CTIF: variants seen among roughly 807,000 people sequenced by gnomAD.
The protein encoded by CTIF is cap binding complex dependent translation initiation factor.
A neutral mutation model predicts 66.0 loss-of-function variants in CTIF; 21 were observed. That is an observed-to-expected ratio of 0.32 (90% CI 0.23 to 0.46). The LOEUF (loss-of-function observed/expected upper bound fraction) is 0.46. Among genes scored for constraint, CTIF ranks in the 20% least tolerant of loss-of-function variants. CTIF has a pLI of 1.00. For missense variants in CTIF, 739 were observed against 812.7 expected (o/e 0.91, Z 1.10); for synonymous variants, 345 against 326.4 (o/e 1.06, Z -0.62).
intron 3 of CTIF, 30 bp from the exon 4 acceptor site, chr18:48,663,722 T>C (rs1446028545): frequency 1.2e-6 from 2 of 1,603,720 alleles, no homozygotes; most frequent in Non-Finnish European, 1.7e-6. Context: ...GAGCAATTAA[T>C]GTCAGCCCTT....
intron 10 of CTIF, among the ~76,000 whole-genome samples, chr18:48,851,450 G>A (rs2069198525): frequency 6.6e-6 from 1 of 152,176 alleles, no homozygotes; most frequent in Non-Finnish European, 1.5e-5. Context: ...AGGCTTCCAC[G>A]CAGCCCTGTC....
At chr18:48,649,824 C>T (rs1300338919) in intron 3 of CTIF, among the ~76,000 whole-genome samples, 1 of 152,130 alleles carries the variant, frequency 6.6e-6, no homozygotes, top group Non-Finnish European at 1.5e-5. Context: ...CTAGTGATAC[C>T]CAGGCAAACA....
intron 1 of CTIF, among the ~76,000 whole-genome samples, chr18:48,577,455 G>A (rs139362300): frequency 9.7e-4 from 147 of 152,306 alleles, no homozygotes; most frequent in African/African-American, 3.2e-3. Context: ...TAGCCCCTGC[G>A]TGGCCCTCAT....
At chr18:48,838,415 C>G (rs1322138688) in intron 10 of CTIF, among the ~76,000 whole-genome samples, 1 of 152,042 alleles carries the variant, frequency 6.6e-6, no homozygotes, top group Non-Finnish European at 1.5e-5. Context: ...GCAGTGGCCG[C>G]CTGGAAGATG....
At chr18:48,578,906 A>G (rs900100988) in intron 1 of CTIF, among the ~76,000 whole-genome samples, 4 of 152,194 alleles carry the variant, frequency 2.6e-5, no homozygotes, top group African/African-American at 9.7e-5. Flanking sequence ...ATATCCAAGA[A>G]ATTGTTGGCT....
chr18:48,797,337 G>T (rs1476880046), intron 9 of CTIF, among the ~76,000 whole-genome samples: 1 of 152,096 alleles, frequency 6.6e-6, no homozygotes, highest in African/African-American at 2.4e-5. Context: ...ACAAAAATTA[G>T]CTGGGGGTGG....
chr18:48,662,130 T>C (rs555129905), intron 3 of CTIF: 1 of 152,396 alleles, frequency 6.6e-6, no homozygotes, highest in South Asian at 2.1e-4. Context: ...AGGCCAGAGG[T>C]GCTTCCTGGC....
intron 3 of CTIF, among the ~76,000 whole-genome samples, chr18:48,638,353 T>C (rs923690842): frequency 2.0e-5 from 3 of 152,212 alleles, no homozygotes; most frequent in African/African-American, 7.2e-5. Flanking sequence ...GGTTCTGGAA[T>C]GTTCCAATGA....
intron 1 of CTIF, among the ~76,000 whole-genome samples, chr18:48,545,846 TCCTC>T (rs915172624): frequency 6.6e-6 from 1 of 152,150 alleles, no homozygotes; most frequent in Non-Finnish European, 1.5e-5. Context: ...GCAGACCTCT[TCCTC>T]CCATTGTCAG....
At chr18:48,735,833 C>T (rs897550685) in intron 7 of CTIF, among the ~76,000 whole-genome samples, 3 of 152,186 alleles carry the variant, frequency 2.0e-5, no homozygotes, top group Non-Finnish European at 4.4e-5. Flanking sequence ...CCAGTCCTCC[C>T]TGCGAGCTGC....
In CTIF at chr18:48,614,178, A is replaced by G. The variant is rs181648380; in HGVS notation, c.-28-5360A>G. Among the ~76,000 whole-genome samples the G allele has an allele frequency of 3.4e-4, 51 of 152,222 alleles. No individual in the cohort carries two copies. In the East Asian group the frequency reaches 9.7e-3, roughly 29 times the overall value. On this transcript the variant is annotated intron_variant, in intron 1 of 11. Transcript: ENST00000256413. ...AGCTGTTTGGGGACTTCCCATCAGG[A>G]TCCTACTGGGAATGAGACACTGAGC...
chr18:48,856,888 T>C (rs544072291), intron 10 of CTIF, among the ~76,000 whole-genome samples: 53 of 152,328 alleles, frequency 3.5e-4, no homozygotes, highest in African/African-American at 1.2e-3. Context: ...TACTTTAAAA[T>C]GGTGGATTTT....
chr18:48,728,931 T>C (rs940824111), intron 7 of CTIF, among the ~76,000 whole-genome samples: 7 of 152,192 alleles, frequency 4.6e-5, no homozygotes, highest in African/African-American at 1.7e-4. Flanking sequence ...CCTTTATCTG[T>C]TTTGAGTTCC....
chr18:48,596,952 A>T (rs1303093976), intron 1 of CTIF, among the ~76,000 whole-genome samples: 1 of 152,196 alleles, frequency 6.6e-6, no homozygotes, highest in Admixed American at 6.5e-5. Flanking sequence ...ACTAGCAGTG[A>T]CTGCTGTTTT....
chr18:48,658,532 GTGTACGTGTGTATA>G (rs2091284091), intron 3 of CTIF, among the ~76,000 whole-genome samples: 1 of 152,132 alleles, frequency 6.6e-6, no homozygotes, highest in African/African-American at 2.4e-5. Flanking sequence ...TGTGTGTGGT[GTGTACGTGTGTATA>G]TGTACGTGTG....
At chr18:48,834,699 A>G (rs1445522308) in intron 10 of CTIF, 1 of 152,698 alleles carries the variant, frequency 6.5e-6, no homozygotes, top group Middle Eastern at 3.2e-3. Flanking sequence ...TACCTCTATC[A>G]TATGAGCCCA....
At chr18:48,842,752 C>A (rs1038035421) in intron 10 of CTIF, among the ~76,000 whole-genome samples, 1 of 152,218 alleles carries the variant, frequency 6.6e-6, no homozygotes, top group Admixed American at 6.5e-5. Context: ...GTGGGTTTCT[C>A]GATTAATTTC....
intron 6 of CTIF, among the ~76,000 whole-genome samples, chr18:48,691,403 A>G (rs5007091): frequency 0.25 from 37,472 of 151,946 alleles, 4,936 homozygotes; most frequent in Middle Eastern, 0.35. Context: ...GTATTTTCCC[A>G]TACATAACTT....
chr18:48,717,399 TAAAA>T (rs1412117678), intron 7 of CTIF, among the ~76,000 whole-genome samples: 3 of 138,842 alleles, frequency 2.2e-5, no homozygotes, highest in African/African-American at 5.5e-5. Flanking sequence ...AATCTGTCTT[TAAAA>T]AATAAATAAA....
Sources: allele counts gnomAD v4.1 joint callset (sites outside exome capture counted in the v4.1 genomes callset), GRCh38; gene constraint gnomAD v4.1.1; transcripts MANE v1.5; gene names NCBI Gene and HGNC (gene_info 2026-07-23, HGNC 2026-07-21).